Variants in LTBP1 observed in about 807,000 individuals in gnomAD.
LTBP1 encodes latent transforming growth factor beta binding protein 1, also known as latent-transforming growth factor beta-binding protein 1.
LTBP1 carries 129 observed loss-of-function variants against 207.6 expected under a neutral mutation model. The observed-to-expected ratio is 0.62, with a 90% CI of 0.54 to 0.72. LTBP1 has a LOEUF of 0.72. Among genes scored for constraint, LTBP1 ranks in the 30% least tolerant of loss-of-function variants. The pLI, the probability that LTBP1 is intolerant of heterozygous loss-of-function variation, is 0.00. For missense variants in LTBP1, 2,281 were observed against 2,217.2 expected (o/e 1.03, Z -0.58); for synonymous variants, 963 against 833.7 (o/e 1.16, Z -2.67).
chr2:33,332,372 CAAAAAAAAAAA>C (rs745342264), intron 24 of LTBP1, among the ~76,000 whole-genome samples: 1 of 52,480 alleles, frequency 1.9e-5, no homozygotes, highest in Non-Finnish European at 3.2e-5. Context: ...ACACCATCTC[CAAAAAAAAAAA>C]AAAAAAAAAA....
chr2:33,057,048 T>C (rs1307423634), intron 3 of LTBP1, among the ~76,000 whole-genome samples: 2 of 152,126 alleles, frequency 1.3e-5, no homozygotes, highest in Admixed American at 1.3e-4. Context: ...AGAGTGTCGA[T>C]TGGTATATTT....
chr2:33,342,059 C>T (rs966907791), intron 24 of LTBP1, among the ~76,000 whole-genome samples: 2 of 151,846 alleles, frequency 1.3e-5, no homozygotes, highest in African/African-American at 2.4e-5. Flanking sequence ...AAGGAAAGAA[C>T]GGAGAAGGAA....
intron 20 of LTBP1, among the ~76,000 whole-genome samples, chr2:33,294,040 G>A (rs1239312483): frequency 9.3e-6 from 1 of 107,760 alleles, no homozygotes. Context: ...AAGTCTCACT[G>A]TGTTGCCCAG....
intron 4 of LTBP1, among the ~76,000 whole-genome samples, chr2:33,120,780 C>T (rs1192036333): frequency 1.3e-5 from 2 of 152,158 alleles, no homozygotes; most frequent in African/African-American, 4.8e-5. Flanking sequence ...CTGCTTTCCA[C>T]AATGATTGAA....
chr2:33,209,200 T>C (rs952099200), intron 7 of LTBP1, among the ~76,000 whole-genome samples: 1 of 152,098 alleles, frequency 6.6e-6, no homozygotes, highest in Admixed American at 6.6e-5. Flanking sequence ...ACCCTGACTC[T>C]TAGGCCATTT....
Position 33,275,082 on chromosome 2 carries a change from A to G in LTBP1, c.2861A>G (p.Asn954Ser). ...AGFMASEEGT[N>S]CIDVDECLRP... The stretch of plus-strand genomic sequence containing the variant: ...TTTATGGCCAGTGAGGAGGGTACTA[A>G]CTGCATAGGTAATGGCAGCATTCTT... The change falls in exon 17 of 34, where the codon AAC becomes AGC. Residue 954 changes from asparagine (N) to serine (S), a missense_variant. Asn to Ser is a conservative substitution (Grantham distance 46). Transcript: ENST00000404816. 5 of 1,613,864 alleles carry G rather than the reference A, an allele frequency of 3.1e-6. No homozygotes were observed. The highest frequency in any genetic ancestry group is 4.2e-6 in the Non-Finnish European group (5 of 1,179,850).
intron 19 of LTBP1, 136 bp from the exon 20 acceptor site, chr2:33,293,024 T>C (rs2093805259): frequency 1.1e-6 from 1 of 881,750 alleles, no homozygotes; most frequent in African/African-American, 1.7e-5. Flanking sequence ...TCCTTTGGGC[T>C]AATTTGAAAG....
intron 5 of LTBP1, among the ~76,000 whole-genome samples, chr2:33,150,368 A>G (rs748707250): frequency 6.6e-6 from 1 of 152,098 alleles, no homozygotes; most frequent in Non-Finnish European, 1.5e-5. Context: ...AATTTACATG[A>G]CTGATTTTTT....
intron 33 of LTBP1, among the ~76,000 whole-genome samples, chr2:33,397,909 T>G: frequency 6.6e-6 from 1 of 152,080 alleles, no homozygotes; most frequent in East Asian, 1.9e-4. Context: ...TAACCTAGCT[T>G]CTTAACAGAT....
chr2:33,284,731 T>C (rs138435906), intron 19 of LTBP1, among the ~76,000 whole-genome samples: 1 of 152,348 alleles, frequency 6.6e-6, no homozygotes, highest in Non-Finnish European at 1.5e-5. Context: ...AAAGATACAT[T>C]TGATATTGCT....
intron 3 of LTBP1, among the ~76,000 whole-genome samples, chr2:33,047,715 T>G (rs1431711696): frequency 1.3e-5 from 2 of 152,150 alleles, no homozygotes; most frequent in Non-Finnish European, 2.9e-5. Flanking sequence ...GACAGTGGGG[T>G]GTTAAAGTCT....
chr2:32,947,201 C>T lies in LTBP1; in HGVS notation c.-124C>T, dbSNP rs1676302900. On this transcript the variant is annotated 5_prime_UTR_variant, in exon 1 of 34. Coordinates refer to ENST00000404816, the MANE Select transcript of LTBP1 (RefSeq NM_206943.4). ...CCTCCCTCGCCACCGACTTGGTCTC[C>T]TCCCGCCTTTCCCGGGCTCTCGGCA... 1 of 718,872 alleles carries T rather than the reference C, an allele frequency of 1.4e-6. No homozygotes were observed. The highest frequency in any genetic ancestry group is 1.9e-6 in the Non-Finnish European group (1 of 528,154). The allele number at this position is 718,872 out of a possible 1,614,324, so 44.5% of individuals were successfully genotyped here. A position where few individuals can be genotyped will look rare whatever the true frequency, so the allele number is the denominator to read the frequency against.
chr2:33,364,328 A>G lies in LTBP1; in HGVS notation c.4512A>G (p.Lys1504=). 1 of 1,614,008 alleles carries G rather than the reference A, an allele frequency of 6.2e-7. No individual in the cohort carries two copies. Among genetic ancestry groups the G allele is most frequent in the South Asian group, 1.1e-5 (1 of 91,032 alleles). Residue 1504 remains lysine, a synonymous_variant, in exon 30 of 34, where the codon AAA becomes AAG. Coordinates refer to ENST00000404816, the MANE Select transcript of LTBP1 (RefSeq NM_206943.4). ...THPMVLDASE[K]RCIRPAESNE... is the part of the protein sequence containing the mutation. ...CCATGGTCCTGGATGCGTCAGAAAAAAGATGTATACGACCGGCTGAGTCAA... is the reference window on the plus strand; with the variant it reads ...CCATGGTCCTGGATGCGTCAGAAAAGAGATGTATACGACCGGCTGAGTCAA...
chr2:33,160,229 TA>T (rs2084344874), intron 5 of LTBP1, among the ~76,000 whole-genome samples: 1 of 152,192 alleles, frequency 6.6e-6, no homozygotes, highest in African/African-American at 2.4e-5. Context: ...ACTTTAAAAA[TA>T]ACGATTATGG....
At chr2:33,083,935 T>C (rs2078602323) in intron 3 of LTBP1, among the ~76,000 whole-genome samples, 2 of 152,168 alleles carry the variant, frequency 1.3e-5, no homozygotes, top group Admixed American at 1.3e-4. Flanking sequence ...GGACATTGGA[T>C]ACTCTGAAAG....
intron 5 of LTBP1, among the ~76,000 whole-genome samples, chr2:33,168,399 C>CAAAAAAAAAAAAAAAAAAAAAA (rs10616798): frequency 9.6e-6 from 1 of 103,808 alleles, no homozygotes; most frequent in East Asian, 2.9e-4. Flanking sequence ...GTCTTTGTCT[C>CAAAAAAAAAAAAAAAAAAAAAA]AAAAAAAAAA....
chr2:32,985,239 G>GT (rs1186090425), intron 2 of LTBP1, among the ~76,000 whole-genome samples: 1 of 147,964 alleles, frequency 6.8e-6, no homozygotes, highest in Non-Finnish European at 1.5e-5. Flanking sequence ...TGGAACATGG[G>GT]TTTTCCTTTG....
chr2:33,312,641 A>G (rs968453936), intron 23 of LTBP1, among the ~76,000 whole-genome samples: 2 of 152,104 alleles, frequency 1.3e-5, no homozygotes, highest in African/African-American at 2.4e-5. Flanking sequence ...ATGTTTCCCT[A>G]GTTCCAAATA....
At chr2:33,126,644 T>A (rs1389586351) in intron 4 of LTBP1, among the ~76,000 whole-genome samples, 4 of 152,208 alleles carry the variant, frequency 2.6e-5, no homozygotes, top group African/African-American at 9.6e-5. Flanking sequence ...TTTTTCAATT[T>A]TATTTATCAC....
Sources: gnomAD v4.1 joint callset for allele counts (sites outside exome capture counted in the v4.1 genomes callset) on GRCh38, gnomAD v4.1.1 for gene constraint, MANE v1.5 for transcripts, NCBI Gene and HGNC (gene_info 2026-07-23, HGNC 2026-07-21) for gene names.